The following DCC variants were observed in gnomAD, a reference collection of about 807,000 sequenced individuals.
DCC encodes DCC netrin 1 receptor.
A neutral mutation model predicts 172.5 loss-of-function variants in DCC; 58 were observed. The observed-to-expected ratio is 0.34, with a 90% CI of 0.27 to 0.42. DCC has a LOEUF of 0.42. Ranked by LOEUF, DCC falls within the 10% of genes least tolerant of loss-of-function variation. The pLI is 1.00. For missense variants in DCC, 1,740 were observed against 1,791.0 expected (o/e 0.97, Z 0.51); for synonymous variants, 709 against 644.5 (o/e 1.10, Z -1.52).
rs16955038 is a variant in DCC at position 52,466,603 on chromosome 18, T to C, written c.91+125725T>C. Among the ~76,000 whole-genome samples the C allele has an allele frequency of 3.7e-3, 564 of 152,292 alleles. 4 individuals are homozygous for C. Among genetic ancestry groups the C allele is most frequent in the African/African-American group, 0.013 (538 of 41,562 alleles). ...TCTCAAAAGATTTGCTGACCTTGAC[T>C]GAGCTCATAGTATTTATCTTGTCTG... On this transcript the variant is annotated intron_variant, in intron 1 of 28. Coordinates refer to ENST00000442544, the MANE Select transcript of DCC (RefSeq NM_005215.4).
chr18:52,407,255 C>T (rs1360066686), intron 1 of DCC, among the ~76,000 whole-genome samples: 1 of 152,002 alleles, frequency 6.6e-6, no homozygotes, highest in Non-Finnish European at 1.5e-5. Flanking sequence ...TCAAGAGAAA[C>T]TTTGTACCTT....
chr18:53,133,297 T>C (rs1428848482), intron 7 of DCC, among the ~76,000 whole-genome samples: 2 of 152,206 alleles, frequency 1.3e-5, no homozygotes, highest in Non-Finnish European at 2.9e-5. Flanking sequence ...TCCACACTAG[T>C]ACAACTTAAA....
intron 1 of DCC, among the ~76,000 whole-genome samples, chr18:52,613,248 T>C (rs1045055896): frequency 1.3e-5 from 2 of 152,152 alleles, no homozygotes; most frequent in African/African-American, 4.8e-5. Flanking sequence ...TTGTTTTTGT[T>C]TTTTTCTTGT....
intron 1 of DCC, among the ~76,000 whole-genome samples, chr18:52,610,926 T>C (rs1439954480): frequency 6.6e-6 from 1 of 152,214 alleles, no homozygotes; most frequent in African/African-American, 2.4e-5. Flanking sequence ...TACAGTTTGC[T>C]GACTTTTAAG....
In DCC at chr18:52,752,148, C is replaced by T. The variant is rs767925738; in HGVS notation, c.186C>T (p.Ser62=). The change falls in exon 2 of 29, where the codon TCC becomes TCT. Residue 62 remains serine (S), a synonymous_variant. Coordinates refer to ENST00000442544, the MANE Select transcript of DCC (RefSeq NM_005215.4). The part of the protein sequence containing the change: ...MRGGNVLLDC[S]AESDRGVPVI... Reference sequence around the variant, plus strand: ...GAGGAAATGTCCTCCTCGACTGCTCCGCGGAGTCCGACCGAGGAGTTCCAG... The same window carrying T: ...GAGGAAATGTCCTCCTCGACTGCTCTGCGGAGTCCGACCGAGGAGTTCCAG... 6.8e-6 allele frequency: 11 copies of T among 1,614,086 alleles called. No homozygotes were observed. The highest frequency in any genetic ancestry group is 8.5e-6 in the Non-Finnish European group (10 of 1,180,022).
Position 52,633,082 on chromosome 18 carries a change from T to C in DCC, c.92-118972T>C, listed in dbSNP as rs140001227. Among the ~76,000 whole-genome samples, 625 of 152,240 alleles carry C rather than the reference T, an allele frequency of 4.1e-3. 3 individuals carry two copies. Among genetic ancestry groups the C allele is most frequent in the African/African-American group, 0.014 (569 of 41,542 alleles). Reference sequence around the variant, plus strand: ...GGACATAAAGACCTAAAATTTCATGTCATCCTCAGTTTGTTCATTCTTTCT... The same window carrying C: ...GGACATAAAGACCTAAAATTTCATGCCATCCTCAGTTTGTTCATTCTTTCT... On this transcript the variant is annotated intron_variant, in intron 1 of 28. Transcript: ENST00000442544.
chr18:52,641,742 C>T (rs1416772281), intron 1 of DCC, among the ~76,000 whole-genome samples: 2 of 151,666 alleles, frequency 1.3e-5, no homozygotes, highest in African/African-American at 2.4e-5. Context: ...ATGTGGTGAA[C>T]GGGAATACTT....
intron 12 of DCC, among the ~76,000 whole-genome samples, chr18:53,240,026 T>TAAAAAAAAAAAAAAAAAAAA (rs68158437): frequency 1.4e-5 from 1 of 69,072 alleles, no homozygotes; most frequent in African/African-American, 4.7e-5. Context: ...GTTCTAGAGT[T>TAAAAAAAAAAAAAAAAAAAA]AAAAAAAAAA....
At chr18:53,044,809 G>T (rs557061381) in intron 5 of DCC, among the ~76,000 whole-genome samples, 6 of 151,926 alleles carry the variant, frequency 3.9e-5, no homozygotes, top group Admixed American at 2.6e-4. Context: ...GCATGCAATA[G>T]TAGAAAGAGT....
At chr18:52,364,342 A>G (rs987601537) in intron 1 of DCC, among the ~76,000 whole-genome samples, 12 of 151,270 alleles carry the variant, frequency 7.9e-5, no homozygotes, top group Non-Finnish European at 1.8e-4. Flanking sequence ...ACAGGTATAT[A>G]AGAAAATATA....
intron 7 of DCC, among the ~76,000 whole-genome samples, chr18:53,085,998 C>CTTATTATTATTATTATTATTATTATTA (rs2042876885): frequency 2.4e-5 from 1 of 40,854 alleles, no homozygotes; most frequent in Non-Finnish European, 4.3e-5. Context: ...TCTCCTTCTC[C>CTTATTATTATTATTATTATTATTATTA]TTCTTCTCCT....
At chr18:52,813,415 T>C (rs995593699) in intron 2 of DCC, among the ~76,000 whole-genome samples, 23 of 149,144 alleles carry the variant, frequency 1.5e-4, no homozygotes, top group Admixed American at 1.3e-3. Flanking sequence ...AGATGACTCT[T>C]GACATTCTGT....
chr18:52,584,748 G>A (rs139310902), intron 1 of DCC, among the ~76,000 whole-genome samples: 2,542 of 149,780 alleles, frequency 0.017, 26 homozygotes, highest in South Asian at 0.026. Context: ...CTTTGTTGCC[G>A]AGACTGGTCT....
At chr18:53,296,265 A>C (rs2057066440) in intron 12 of DCC, among the ~76,000 whole-genome samples, 1 of 151,778 alleles carries the variant, frequency 6.6e-6, no homozygotes, top group South Asian at 2.1e-4. Flanking sequence ...TCAGTCTCTC[A>C]ATCTCTGGAT....
chr18:53,257,836 G>A (rs1201222220), intron 12 of DCC, among the ~76,000 whole-genome samples: 1 of 152,126 alleles, frequency 6.6e-6, no homozygotes, highest in Admixed American at 6.5e-5. Context: ...GAATCCATCT[G>A]GTCCTGGACT....
chr18:53,521,618 T>A (rs2046399693), intron 27 of DCC, among the ~76,000 whole-genome samples: 1 of 152,106 alleles, frequency 6.6e-6, no homozygotes, highest in East Asian at 1.9e-4. Context: ...CTACTTGAAT[T>A]TCCTACATAG....
At chr18:53,282,963 A>G (rs1341982706) in intron 12 of DCC, among the ~76,000 whole-genome samples, 1 of 152,168 alleles carries the variant, frequency 6.6e-6, no homozygotes, top group African/African-American at 2.4e-5. Context: ...TTTCCCAGGA[A>G]TATTCACTGA....
chr18:53,030,093 C>T (rs550920737), intron 5 of DCC, among the ~76,000 whole-genome samples: 2 of 152,274 alleles, frequency 1.3e-5, no homozygotes, highest in South Asian at 4.1e-4. Context: ...TTCCTCAACC[C>T]TCCTGGAATG....
intron 27 of DCC, among the ~76,000 whole-genome samples, chr18:53,500,965 T>C (rs1331030959): frequency 1.3e-5 from 2 of 152,036 alleles, no homozygotes; most frequent in Non-Finnish European, 2.9e-5. Flanking sequence ...AACTATGAAG[T>C]CTTTGATAAT....
Sources: allele counts gnomAD v4.1 joint callset (sites outside exome capture counted in the v4.1 genomes callset), GRCh38; gene constraint gnomAD v4.1.1; transcripts MANE v1.5; gene names NCBI Gene and HGNC (gene_info 2026-07-23, HGNC 2026-07-21).